HGD: variants seen among roughly 807,000 people sequenced by gnomAD.
The protein encoded by HGD is homogentisate 1,2-dioxygenase.
HGD carries 61 observed loss-of-function variants against 60.8 expected under a neutral mutation model. The observed-to-expected ratio is 1.00, with a 90% CI of 0.82 to 1.24. The LOEUF (loss-of-function observed/expected upper bound fraction) is 1.24, where lower values mean the gene tolerates loss of function less well. Ranked by LOEUF, HGD falls within the 50% of genes most tolerant of loss-of-function variation. The pLI is 0.00. For missense variants in HGD, 542 were observed against 547.1 expected (o/e 0.99, Z 0.09); for synonymous variants, 212 against 187.7 (o/e 1.13, Z -1.06).
chr3:120,682,145 A>C lies in HGD; in HGVS notation c.-34T>G. The C allele has an allele frequency of 1.9e-6, 3 of 1,611,182 alleles. No individual in the cohort carries two copies. The highest frequency in any genetic ancestry group is 2.5e-6 in the Non-Finnish European group (3 of 1,177,350). ...TCCTCTATGTGTGGTGACTTCAGGA[A>C]ACCCAGGCCCAGAGGATATAAAGCC... On this transcript the variant is annotated 5_prime_UTR_variant, in exon 1 of 14. Transcript: ENST00000283871.
At chr3:120,652,101 A>C (rs1941359186) in intron 5 of HGD, among the ~76,000 whole-genome samples, 10 of 152,202 alleles carry the variant, frequency 6.6e-5, no homozygotes, top group Admixed American at 6.5e-4. Context: ...GAATTATTAG[A>C]TGTTTTCCAT....
chr3:120,668,024 C>T (rs945888197), intron 4 of HGD, among the ~76,000 whole-genome samples: 1 of 151,996 alleles, frequency 6.6e-6, no homozygotes, highest in African/African-American at 2.4e-5. Context: ...CTGAATGCCT[C>T]GTCTGTGTCC....
At chr3:120,639,925 A>G (rs987024040) in intron 11 of HGD, among the ~76,000 whole-genome samples, 3 of 152,168 alleles carry the variant, frequency 2.0e-5, no homozygotes, top group Non-Finnish European at 4.4e-5. Flanking sequence ...ATTGAAATCA[A>G]CAATCATGTT....
chr3:120,656,700 T>C (rs1009017934), intron 4 of HGD, among the ~76,000 whole-genome samples: 2 of 152,078 alleles, frequency 1.3e-5, no homozygotes, highest in African/African-American at 4.8e-5. Flanking sequence ...TGCAGGTGCA[T>C]GCCCCCATGC....
Position 120,628,496 on chromosome 3 carries a change from C to T in HGD, c.1222G>A (p.Val408Ile). The T allele has an allele frequency of 1.2e-6, 2 of 1,614,004 alleles. No homozygotes were observed. The highest frequency in any genetic ancestry group is 1.7e-6 in the Non-Finnish European group (2 of 1,179,962). ...GAGGCCTTGAGTCCCCACTTTGTGA[C>T]CGCCAGACTTAAAGATGATTCAAAC... ...FMFESSLSLA[V>I]TKWGLKASRC... The change falls in exon 14 of 14, where the codon GTC becomes ATC. Residue 408 changes from valine (V) to isoleucine (I), a missense_variant. Val to Ile is a conservative substitution (Grantham distance 29). Transcript: ENST00000283871.
chr3:120,638,689 T>A (rs904109096), intron 11 of HGD, 108 bp from the exon 12 acceptor site: 7 of 1,214,562 alleles, frequency 5.8e-6, no homozygotes, highest in African/African-American at 1.5e-5. Flanking sequence ...ATTCTAATTT[T>A]TTTATTTATT....
At chr3:120,665,688 G>A (rs1260774652) in intron 4 of HGD, among the ~76,000 whole-genome samples, 1 of 152,188 alleles carries the variant, frequency 6.6e-6, no homozygotes, top group Admixed American at 6.5e-5. Flanking sequence ...TTCCTGAGAG[G>A]GTATCAAGGA....
At chr3:120,680,511 G>C (rs950266155) in intron 1 of HGD, among the ~76,000 whole-genome samples, 4 of 152,148 alleles carry the variant, frequency 2.6e-5, no homozygotes, top group African/African-American at 9.7e-5. Context: ...CAGCAGGATA[G>C]GATTTTACAT....
intron 2 of HGD, 54 bp from the exon 3 acceptor site, chr3:120,675,043 C>A: frequency 7.9e-7 from 1 of 1,257,878 alleles, no homozygotes; most frequent in Non-Finnish European, 1.2e-6. Context: ...AGCATCCCAC[C>A]TTCCCACCAA....
Position 120,648,994 on chromosome 3 carries a change from C to G in HGD, c.435-1083G>C, listed in dbSNP as rs562338620. ...AAGCGCCTTCAACTTTGGGCTTCTC[C>G]TCTGATGGAACTGTTAAGTCCTCCT... On this transcript the variant is annotated intron_variant, in intron 6 of 13. Transcript: ENST00000283871. Among the ~76,000 whole-genome samples the G allele has an allele frequency of 2.0e-3, 297 of 152,166 alleles. 3 individuals are homozygous for G. The South Asian group carries it at 0.02, about 10-fold the overall frequency.
intron 12 of HGD, among the ~76,000 whole-genome samples, chr3:120,637,828 TG>T (rs1362864743): frequency 6.6e-6 from 1 of 152,178 alleles, no homozygotes; most frequent in Non-Finnish European, 1.5e-5. Context: ...ACAGAGAAAC[TG>T]GGAACTAGGC....
chr3:120,676,665 T>C (rs1207848095), intron 1 of HGD, among the ~76,000 whole-genome samples: 1 of 152,244 alleles, frequency 6.6e-6, no homozygotes, highest in East Asian at 1.9e-4. Context: ...CCAATTCTAA[T>C]GTAAGTGTAT....
intron 4 of HGD, among the ~76,000 whole-genome samples, chr3:120,655,173 C>A (rs1941457598): frequency 6.6e-6 from 1 of 152,158 alleles, no homozygotes. Flanking sequence ...AGGGGTTTGT[C>A]TTCTTTGAGT....
At chr3:120,634,602 A>T (rs980458875) in intron 12 of HGD, among the ~76,000 whole-genome samples, 1 of 152,190 alleles carries the variant, frequency 6.6e-6, no homozygotes, top group African/African-American at 2.4e-5. Context: ...CAACAACAAC[A>T]ACATAGCCTT....
chr3:120,656,603 G>C lies in HGD; in HGVS notation c.283-3952C>G, dbSNP rs181618031. On this transcript the variant is annotated intron_variant, in intron 4 of 13. Coordinates refer to ENST00000283871, the MANE Select transcript of HGD (RefSeq NM_000187.4). ...GTCGCGCTCTGTTACCCAGGCTGGA[G>C]TGCAGTGGCGCGATATTGGCTCACT... Among the ~76,000 whole-genome samples the C allele has an allele frequency of 4.1e-3, 628 of 152,046 alleles. 1 individual carries two copies. Among genetic ancestry groups the C allele is most frequent in the African/African-American group, 0.015 (608 of 41,448 alleles).
At chr3:120,655,902 G>A (rs1177221703) in intron 4 of HGD, among the ~76,000 whole-genome samples, 2 of 152,228 alleles carry the variant, frequency 1.3e-5, no homozygotes, top group Non-Finnish European at 2.9e-5. Flanking sequence ...ATTCTCTCCA[G>A]AGGAGAAACT....
chr3:120,672,677 C>T (rs947641666), intron 3 of HGD, among the ~76,000 whole-genome samples: 4 of 152,152 alleles, frequency 2.6e-5, no homozygotes, highest in Non-Finnish European at 4.4e-5. Flanking sequence ...CTTGGAACCA[C>T]CTGTGTGATC....
intron 12 of HGD, among the ~76,000 whole-genome samples, chr3:120,634,903 T>G (rs935454967): frequency 6.6e-6 from 1 of 152,224 alleles, no homozygotes; most frequent in East Asian, 1.9e-4. Context: ...TCTACTTGTT[T>G]CTCTATGAAG....
chr3:120,655,449 T>C (rs1159498752), intron 4 of HGD, among the ~76,000 whole-genome samples: 1 of 152,234 alleles, frequency 6.6e-6, no homozygotes, highest in African/African-American at 2.4e-5. Context: ...GAGTCATTTA[T>C]CTGTTGGCCC....
Sources: allele counts gnomAD v4.1 joint callset (sites outside exome capture counted in the v4.1 genomes callset), GRCh38; gene constraint gnomAD v4.1.1; transcripts MANE v1.5; gene names NCBI Gene and HGNC (gene_info 2026-07-23, HGNC 2026-07-21).